Variants in RNF149 observed in about 807,000 individuals in gnomAD.
The protein encoded by RNF149 is ring finger protein 149.
Under a neutral mutation model 39.0 loss-of-function variants are expected in RNF149, and 21 were observed. The ratio of observed to expected loss-of-function variants is 0.54; its 90% CI spans 0.38 to 0.77. The LOEUF (loss-of-function observed/expected upper bound fraction) is 0.77, where lower values mean the gene tolerates loss of function less well. RNF149 is among the 30% of genes least tolerant of loss of function. The pLI, the probability that RNF149 is intolerant of heterozygous loss-of-function variation, is 0.00. For synonymous variants in RNF149, 209 were observed against 213.6 expected (o/e 0.98, Z 0.19); for missense variants, 493 against 534.9 (o/e 0.92, Z 0.77).
intron 1 of RNF149, among the ~76,000 whole-genome samples, chr2:101,296,947 G>A (rs1196158913): frequency 8.5e-5 from 13 of 152,086 alleles, no homozygotes; most frequent in Admixed American, 7.2e-4. Flanking sequence ...GGTGCCTCAC[G>A]CCTGTAATCC....
chr2:101,304,948 C>T (rs1683599635), intron 1 of RNF149, among the ~76,000 whole-genome samples: 1 of 149,294 alleles, frequency 6.7e-6, no homozygotes, highest in Admixed American at 6.8e-5. Context: ...TCAAGCGATT[C>T]TCCTGCCTCA....
chr2:101,274,237 G>C (rs1387488630), downstream of RNF149, among the ~76,000 whole-genome samples: 3 of 152,098 alleles, frequency 2.0e-5, no homozygotes, highest in Non-Finnish European at 4.4e-5. Flanking sequence ...CTCTGTCTTG[G>C]CATCTTGGCA....
chr2:101,307,093 A>G (rs1426745680), intron 1 of RNF149, among the ~76,000 whole-genome samples: 1 of 152,228 alleles, frequency 6.6e-6, no homozygotes, highest in Admixed American at 6.5e-5. Context: ...ATTTTGCAAA[A>G]TAAGACTTAA....
At chr2:101,284,753 G>A (rs1052545919) in intron 5 of RNF149, among the ~76,000 whole-genome samples, 3 of 152,044 alleles carry the variant, frequency 2.0e-5, no homozygotes, top group African/African-American at 7.2e-5. Flanking sequence ...TGACCATAAT[G>A]GCTTAAAGCT....
At position 101,275,855 on chromosome 2, in the gene RNF149, T is replaced by G. The variant is rs1457736118; in HGVS notation, c.*1383A>C. ...TAGATTTCAAAGGTAATGGCTGTTA[T>G]GGAAACCTACTTGAGGTTGTCTGCT... On this transcript the variant is annotated 3_prime_UTR_variant, in exon 7 of 7. Transcript: ENST00000295317. 4 of 984,574 alleles carry G rather than the reference T, an allele frequency of 4.1e-6. No individual in the cohort carries two copies. In the East Asian group the frequency reaches 4.5e-4, roughly 112 times the overall value. 61.0% of individuals were successfully genotyped at this position (984,574 alleles called of 1,614,324 possible). A position where few individuals can be genotyped will look rare whatever the true frequency, so the allele number is the denominator to read the frequency against.
chr2:101,295,073 C>T lies in RNF149; in HGVS notation c.569G>A (p.Arg190Gln), dbSNP rs781043436. The T allele has an allele frequency of 1.7e-5, 28 of 1,613,988 alleles. No homozygotes were observed. In the South Asian group the frequency reaches 1.8e-4, roughly 10 times the overall value. The change falls in exon 2 of 7, where the codon CGG (arginine) becomes CAG (glutamine). Residue 190 changes from arginine to glutamine, a missense_variant. Arg to Gln is a conservative substitution (Grantham distance 43). Transcript: ENST00000295317. ...PVTMTIGVGT[R>Q]HVQEFISGQS... ...ACCGCTGATGAACTCCTGTACATGCCGGGTGCCAACCCCTATGGTCATCGT... is the reference window on the plus strand; with the variant it reads ...ACCGCTGATGAACTCCTGTACATGCTGGGTGCCAACCCCTATGGTCATCGT...
At chr2:101,283,651 C>G (rs1226371689) in intron 5 of RNF149, among the ~76,000 whole-genome samples, 7 of 152,132 alleles carry the variant, frequency 4.6e-5, no homozygotes, top group Non-Finnish European at 1.0e-4. Context: ...TCTGATGTTA[C>G]TATAGGTTCT....
At chr2:101,288,683 A>T (rs1682888265) in intron 4 of RNF149, 1 of 276,574 alleles carries the variant, frequency 3.6e-6, no homozygotes, top group African/African-American at 2.3e-5. Context: ...GCACTGCTAA[A>T]TGTATAATGG....
At chr2:101,307,982 G>A (rs1003577096) in intron 1 of RNF149, 147 bp downstream of exon 1, 111 of 1,430,390 alleles carry the variant, frequency 7.8e-5, no homozygotes, top group Middle Eastern at 2.6e-4. Context: ...CCGAGCAAAC[G>A]AGGGCTTCCC....
At chr2:101,294,168 A>ATTTCTGT (rs1558788535) in intron 2 of RNF149, 86 bp from the exon 3 acceptor site, 19 of 729,718 alleles carry the variant, frequency 2.6e-5, no homozygotes, top group Non-Finnish European at 4.1e-5. Context: ...TAATACACAT[A>ATTTCTGT]AGCATACAGA....
rs1484967262 is a variant in RNF149, at chr2:101,276,469, A to T, written c.*769T>A. On this transcript the variant is annotated 3_prime_UTR_variant, in exon 7 of 7. Transcript: ENST00000295317. ...TAAAGATTAAATTGTAACTGAAATCAATATAACAGATTCTGAGTCTGCCTA... is the reference window on the plus strand; with the variant it reads ...TAAAGATTAAATTGTAACTGAAATCTATATAACAGATTCTGAGTCTGCCTA... The T allele has an allele frequency of 1.0e-6, 1 of 985,668 alleles. No individual in the cohort carries two copies. Among genetic ancestry groups the T allele is most frequent in the Non-Finnish European group, 1.2e-6 (1 of 829,852 alleles). 61.1% of individuals were successfully genotyped at this position (985,668 alleles called of 1,614,324 possible). A position where few individuals can be genotyped will look rare whatever the true frequency, so the allele number is the denominator to read the frequency against.
chr2:101,286,512 C>T, intron 4 of RNF149: 1 of 186,820 alleles, frequency 5.4e-6, no homozygotes, highest in Non-Finnish European at 1.1e-5. Flanking sequence ...TAAACTAATA[C>T]TAAACTGGAA....
At chr2:101,293,054 T>G (rs1019108265) in intron 3 of RNF149, among the ~76,000 whole-genome samples, 8 of 151,202 alleles carry the variant, frequency 5.3e-5, no homozygotes, top group African/African-American at 1.7e-4. Context: ...CTATCAAAAT[T>G]GAACTGTAGT....
chr2:101,272,228 C>T (rs1346760439), downstream of RNF149, among the ~76,000 whole-genome samples: 1 of 152,208 alleles, frequency 6.6e-6, no homozygotes, highest in Non-Finnish European at 1.5e-5. Flanking sequence ...TCAGCCCACA[C>T]AAAGTCCTAG....
In RNF149 at chr2:101,276,986, C is replaced by T. The variant is rs1573216027; in HGVS notation, c.*252G>A. ...ATATTAGAGTACCTGCCCCAGTTGT[C>T]TTTGTAATAGTCTGAAGCAACACAC... On this transcript the variant is annotated 3_prime_UTR_variant, in exon 7 of 7. Transcript: ENST00000295317. The T allele has an allele frequency of 1.7e-5, 20 of 1,204,252 alleles. No homozygotes were observed. The highest frequency in any genetic ancestry group is 2.1e-5 in the Non-Finnish European group (20 of 959,174). The allele number at this position is 1,204,252 out of a possible 1,614,324, so 74.6% of individuals were successfully genotyped here. A position where few individuals can be genotyped will look rare whatever the true frequency, so the allele number is the denominator to read the frequency against.
In RNF149 at chr2:101,282,380, T is replaced by C. The variant is rs897962527; in HGVS notation, c.961-323A>G. On this transcript the variant is annotated intron_variant, in intron 5 of 6. Coordinates refer to ENST00000295317, the MANE Select transcript of RNF149 (RefSeq NM_173647.4). ...TTCCCAGACAGAGGATTTGAGGCCATAGCCATGAACTCTGATTACCGCCCT... is the reference window on the plus strand; with the variant it reads ...TTCCCAGACAGAGGATTTGAGGCCACAGCCATGAACTCTGATTACCGCCCT... Among the ~76,000 whole-genome samples the C allele has an allele frequency of 2.0e-5, 3 of 152,262 alleles. No homozygotes were observed. In the South Asian group the frequency reaches 6.2e-4, roughly 32 times the overall value.
intron 1 of RNF149, among the ~76,000 whole-genome samples, chr2:101,298,967 T>C (rs1019054584): frequency 1.3e-5 from 2 of 152,180 alleles, no homozygotes; most frequent in Non-Finnish European, 2.9e-5. Flanking sequence ...CTGGCCAACA[T>C]GGTGAAACCC....
At position 101,294,823 on chromosome 2, in the gene RNF149, T is replaced by C. The variant is rs754094802; in HGVS notation, c.711+108A>G. The C allele has an allele frequency of 1.4e-4, 136 of 946,512 alleles. 1 individual carries two copies. Among genetic ancestry groups the C allele is most frequent in the Non-Finnish European group, 2.1e-4 (130 of 628,560 alleles). The allele number at this position is 946,512 out of a possible 1,614,324, so 58.6% of individuals were successfully genotyped here. On this transcript the variant is annotated intron_variant, in intron 2 of 6. Transcript: ENST00000295317. The stretch of plus-strand genomic sequence containing the variant: ...AAAGTCATGTTGAATACTTAAATAA[T>C]ATAAGCGAAAATCAAGATTATGGTC...
intron 3 of RNF149, among the ~76,000 whole-genome samples, chr2:101,293,173 G>A (rs978238849): frequency 6.6e-6 from 1 of 151,856 alleles, no homozygotes; most frequent in Non-Finnish European, 1.5e-5. Flanking sequence ...AAGCTAATGT[G>A]TTATTTTTGC....
Sources: allele counts gnomAD v4.1 joint callset (sites outside exome capture counted in the v4.1 genomes callset), GRCh38; gene constraint gnomAD v4.1.1; transcripts MANE v1.5; gene names NCBI Gene and HGNC (gene_info 2026-07-23, HGNC 2026-07-21).